TEX2: variants seen among roughly 807,000 people sequenced by gnomAD.
The protein encoded by TEX2 is testis expressed 2, also known as testis-expressed protein 2.
TEX2 carries 53 observed loss-of-function variants against 106.9 expected under a neutral mutation model. The observed-to-expected ratio is 0.50, with a 90% CI of 0.40 to 0.62. TEX2 has a LOEUF of 0.62. Ranked by LOEUF, TEX2 falls within the 20% of genes least tolerant of loss-of-function variation. The probability of loss-of-function intolerance (pLI) is 0.00; values close to 1 mark genes in which losing one functional copy is unlikely to be tolerated. For synonymous variants in TEX2, 523 were observed against 534.8 expected (o/e 0.98, Z 0.30); for missense variants, 1,207 against 1,379.0 (o/e 0.88, Z 1.98).
intron 11 of TEX2, 60 bp from the exon 12 acceptor site, chr17:64,149,151 CCTT>C (rs1214478640): frequency 2.5e-6 from 4 of 1,579,516 alleles, no homozygotes; most frequent in Non-Finnish European, 3.4e-6. Flanking sequence ...CTGTCACCCT[CCTT>C]TGTTCTGATA....
At chr17:64,198,987 G>C (rs1555629740) in intron 2 of TEX2, among the ~76,000 whole-genome samples, 1 of 152,164 alleles carries the variant, frequency 6.6e-6, no homozygotes, top group Non-Finnish European at 1.5e-5. Flanking sequence ...TCCAAGAAAA[G>C]GACAGTCTCT....
At chr17:64,262,559 G>A (rs1427556623) in intron 1 of TEX2, among the ~76,000 whole-genome samples, 2 of 152,148 alleles carry the variant, frequency 1.3e-5, no homozygotes, top group Non-Finnish European at 2.9e-5. Flanking sequence ...CGGCCACACC[G>A]CCTCCCCGCA....
In TEX2 at chr17:64,213,271, T is replaced by C. The variant is rs1364902012; in HGVS notation, c.947A>G (p.His316Arg). Residue 316 changes from histidine (H) to arginine (R), a missense_variant, in exon 2 of 12, where the codon CAT (histidine) becomes CGT (arginine). Physicochemically the swap from His to Arg is conservative, Grantham distance 29. Transcript: ENST00000584379. The surrounding 1 kb of genome is among the most constrained non-coding windows in gnomAD (Gnocchi z 4.4). ...SKIIGEESGS[H>R]RPKALSSSAS... The stretch of plus-strand genomic sequence containing the variant: ...ACTTGAAGATAAGGCTTTGGGCCTA[T>C]GGCTGCCACTTTCTTCCCCTATAAT... 6.2e-7 allele frequency: 1 copy of C among 1,614,078 alleles called. No individual in the cohort carries two copies. Among genetic ancestry groups the C allele is most frequent in the Non-Finnish European group, 8.5e-7 (1 of 1,180,036 alleles).
At chr17:64,233,184 C>T (rs557043858) in intron 1 of TEX2, among the ~76,000 whole-genome samples, 15 of 152,278 alleles carry the variant, frequency 9.9e-5, no homozygotes, top group Non-Finnish European at 2.1e-4. Context: ...ACCCCACCCC[C>T]AAACACACAC....
intron 2 of TEX2, among the ~76,000 whole-genome samples, chr17:64,208,366 G>A (rs2032902315): frequency 6.6e-6 from 1 of 151,754 alleles, no homozygotes; most frequent in Non-Finnish European, 1.5e-5. Context: ...AGCCTCTCGA[G>A]TGGCTGGGAC....
intron 1 of TEX2, 72 bp from the exon 2 acceptor site, chr17:64,214,314 G>A: frequency 2.3e-6 from 3 of 1,300,468 alleles, no homozygotes; most frequent in Non-Finnish European, 2.1e-6. Context: ...TTCGCAGATA[G>A]GAGCACAGAT....
chr17:64,181,822 G>GTT (rs1345288730), intron 5 of TEX2, among the ~76,000 whole-genome samples: 3 of 69,048 alleles, frequency 4.3e-5, no homozygotes, highest in East Asian at 5.3e-4. Context: ...GGCTGGTTTT[G>GTT]TATTTTTTTT....
rs1162532047 is a variant in TEX2 at position 64,212,823 on chromosome 17, G to A, written c.1395C>T (p.Ala465=). ...TCACTGGCAATTCCGGGTGCTGCAC[G>A]GCCGAGTCCACCTCGTCCTCACTGT... ...VLDSEDEVDS[A]VQHPELPVKT... The change falls in exon 2 of 12, where the codon GCC becomes GCT. Residue 465 remains alanine (A), a synonymous_variant. Coordinates refer to ENST00000584379, the MANE Select transcript of TEX2 (RefSeq NM_001288732.2). 16 of 1,613,892 alleles carry A rather than the reference G, an allele frequency of 9.9e-6. No individual in the cohort carries two copies. The highest frequency in any genetic ancestry group is 1.7e-5 in the Admixed American group (1 of 60,002).
intron 2 of TEX2, among the ~76,000 whole-genome samples, chr17:64,197,547 T>C (rs1213481786): frequency 1.3e-5 from 2 of 152,140 alleles, no homozygotes. Context: ...TATATATGTA[T>C]ATATGTATGT....
intron 1 of TEX2, among the ~76,000 whole-genome samples, chr17:64,260,113 A>G (rs1257425904): frequency 6.6e-6 from 1 of 152,204 alleles, no homozygotes; most frequent in African/African-American, 2.4e-5. Context: ...AGATTTCCCA[A>G]TAGCCTCGTG....
At chr17:64,238,299 A>AAAAT (rs1555635352) in intron 1 of TEX2, among the ~76,000 whole-genome samples, 1 of 152,216 alleles carries the variant, frequency 6.6e-6, no homozygotes, top group Non-Finnish European at 1.5e-5. Context: ...ACTCTGTCTC[A>AAAAT]AAATAAATAA....
chr17:64,170,622 CTTTTTTTTTT>C (rs71156002), intron 7 of TEX2, among the ~76,000 whole-genome samples: 2 of 73,742 alleles, frequency 2.7e-5, no homozygotes, highest in Admixed American at 4.5e-4. Context: ...TATTCCAAAT[CTTTTTTTTTT>C]TTTTTTTTTT....
chr17:64,195,162 G>A lies in TEX2; in HGVS notation c.1645-67C>T. ...CAAATCTGATTTAGTGTGAAATGAT[G>A]AACACTGTGGTATTTGGGACACTGA... On this transcript the variant is annotated intron_variant, in intron 2 of 11. Coordinates refer to ENST00000584379, the MANE Select transcript of TEX2 (RefSeq NM_001288732.2). This position sits in a 1 kb window ranked among gnomAD's most constrained non-coding sequence, Gnocchi z 4.1. 6.9e-7 allele frequency: 1 copy of A among 1,445,906 alleles called. No individual in the cohort carries two copies. Among genetic ancestry groups the A allele is most frequent in the Non-Finnish European group, 9.6e-7 (1 of 1,038,032 alleles). 89.6% of individuals were successfully genotyped at this position (1,445,906 alleles called of 1,614,324 possible).
At chr17:64,199,539 A>G (rs1555629822) in intron 2 of TEX2, among the ~76,000 whole-genome samples, 1 of 152,216 alleles carries the variant, frequency 6.6e-6, no homozygotes, top group African/African-American at 2.4e-5. Flanking sequence ...GCCTTGCTGA[A>G]AATGTGTAAT....
chr17:64,161,647 T>A (rs1335312539), intron 7 of TEX2, among the ~76,000 whole-genome samples: 1 of 152,114 alleles, frequency 6.6e-6, no homozygotes, highest in East Asian at 1.9e-4. Context: ...AAAAGGCTTG[T>A]AGCTTCATGG....
chr17:64,187,824 C>T (rs941683778), intron 5 of TEX2, among the ~76,000 whole-genome samples: 2 of 152,146 alleles, frequency 1.3e-5, no homozygotes, highest in Admixed American at 6.5e-5. Flanking sequence ...CCAAAAGTCA[C>T]CTCCTCAAAG....
chr17:64,207,589 C>T (rs2032871949), intron 2 of TEX2, among the ~76,000 whole-genome samples: 1 of 152,178 alleles, frequency 6.6e-6, no homozygotes, highest in Non-Finnish European at 1.5e-5. Flanking sequence ...TTGGCTTGCC[C>T]TAGAAACAAG....
In TEX2 at chr17:64,213,667, C is replaced by G; in HGVS notation, c.551G>C (p.Ser184Thr). Residue 184 changes from serine (S) to threonine (T), a missense_variant, in exon 2 of 12, where the codon AGT (serine) becomes ACT (threonine). By Grantham distance (58) the Ser-to-Thr change is moderately conservative (BLOSUM62 1). Around this residue, in one of 3 missense-constraint regions of TEX2, gnomAD observed 1,067 missense variants for 1,193.6 expected, o/e 0.89. Transcript: ENST00000584379. This position sits in a 1 kb window ranked among gnomAD's most constrained non-coding sequence, Gnocchi z 4.4. ...SSSASTSTLS[S>T]AKPFMSLVKS... ...CACAAGGCTCATGAAGGGTTTTGCA[C>G]TGGAAAGGGTGGAGGTTGAGGCACT... 2 of 1,614,060 alleles carry G rather than the reference C, an allele frequency of 1.2e-6. No individual in the cohort carries two copies. The highest frequency in any genetic ancestry group is 2.2e-5 in the South Asian group (2 of 91,076).
intron 5 of TEX2, among the ~76,000 whole-genome samples, chr17:64,181,209 G>GAC (rs2031840788): frequency 2.6e-5 from 4 of 152,138 alleles, no homozygotes; most frequent in Admixed American, 2.6e-4. Flanking sequence ...CGGGCGTGGT[G>GAC]GTTCATGCCT....
Sources: gnomAD v4.1 joint callset for allele counts (sites outside exome capture counted in the v4.1 genomes callset) on GRCh38, gnomAD v4.1.1 for gene constraint, gnomAD v4.1.1 regional missense constraint, Gnocchi (gnomAD v3.1) non-coding constraint, MANE v1.5 for transcripts, NCBI Gene and HGNC (gene_info 2026-07-23, HGNC 2026-07-21) for gene names.